GALNT13: variants seen among roughly 807,000 people sequenced by gnomAD.
The protein encoded by GALNT13 is UDP-GalNAc:polypeptide N-acetylgalactosaminyltransferase 13.
Under a neutral mutation model 64.2 loss-of-function variants are expected in GALNT13, and 28 were observed. The ratio of observed to expected loss-of-function variants is 0.44; its 90% CI spans 0.32 to 0.60. The LOEUF is 0.60. Among genes scored for constraint, GALNT13 ranks in the 20% least tolerant of loss-of-function variants. The probability of loss-of-function intolerance (pLI) is 0.05; values close to 1 mark genes in which losing one functional copy is unlikely to be tolerated. For synonymous variants in GALNT13, 214 were observed against 224.6 expected, an observed-to-expected ratio of 0.95 and a Z score of 0.42; for missense variants, 577 against 669.8, an observed-to-expected ratio of 0.86 and a Z score of 1.53.
Position 154,140,385 on chromosome 2 carries a change from T to C in GALNT13, c.191T>C (p.Val64Ala). ...GGGCCAGGAGAAATGGGAAAAGCTG[T>C]GTTGATTCCTAAAGATGACCAGGAG... The part of the protein sequence containing the change: ...QEGPGEMGKA[V>A]LIPKDDQEKM... The change falls in exon 4 of 13, where the codon GTG becomes GCG. Residue 64 changes from valine to alanine, a missense_variant. Coordinates refer to ENST00000392825, the MANE Select transcript of GALNT13 (RefSeq NM_052917.4). The C allele has an allele frequency of 6.2e-7, 1 of 1,613,234 alleles. No individual in the cohort carries two copies. The highest frequency in any genetic ancestry group is 8.5e-7 in the Non-Finnish European group (1 of 1,179,366).
At chr2:154,012,384 G>A (rs1400994674) in intron 3 of GALNT13, among the ~76,000 whole-genome samples, 1 of 152,142 alleles carries the variant, frequency 6.6e-6, no homozygotes, top group Non-Finnish European at 1.5e-5. Context: ...TAAGAATGCT[G>A]AATATGAGTC....
chr2:153,446,001 C>T, the GALNT13 span, among the ~76,000 whole-genome samples: 1 of 151,956 alleles, frequency 6.6e-6, no homozygotes, highest in Non-Finnish European at 1.5e-5. Context: ...ATATTTATTA[C>T]TTTCAAAAAA....
chr2:154,379,708 G>A (rs973827207), intron 9 of GALNT13, among the ~76,000 whole-genome samples: 5 of 152,012 alleles, frequency 3.3e-5, no homozygotes, highest in African/African-American at 1.2e-4. Context: ...ACACTATGTA[G>A]TAACTGTACA....
At chr2:153,134,094 C>A in the GALNT13 span, among the ~76,000 whole-genome samples, 3 of 152,242 alleles carry the variant, frequency 2.0e-5, no homozygotes, top group East Asian at 5.8e-4. Flanking sequence ...GGGCAGAGCA[C>A]CCCTTCCGTT....
At chr2:154,133,234 C>A (rs1393971489) in intron 3 of GALNT13, among the ~76,000 whole-genome samples, 2 of 151,956 alleles carry the variant, frequency 1.3e-5, no homozygotes, top group Non-Finnish European at 2.9e-5. Context: ...TGTTGAGACT[C>A]CTTTGTAGTA....
At chr2:154,122,766 A>C (rs1178994246) in intron 3 of GALNT13, among the ~76,000 whole-genome samples, 1 of 151,854 alleles carries the variant, frequency 6.6e-6, no homozygotes. Context: ...CTATTTCTTT[A>C]TTGTCCTTTT....
At chr2:153,646,797 C>T in the GALNT13 span, among the ~76,000 whole-genome samples, 4,820 of 152,200 alleles carry the variant, frequency 0.032, 112 homozygotes, top group Non-Finnish European at 0.047. Context: ...ATGAACTCCT[C>T]ATTTTTTATG....
the GALNT13 span, among the ~76,000 whole-genome samples, chr2:153,343,218 A>G: frequency 6.6e-6 from 1 of 152,180 alleles, no homozygotes; most frequent in Non-Finnish European, 1.5e-5. Context: ...AGGCATCCAA[A>G]TAAGACCCAT....
intron 9 of GALNT13, 62 bp from the exon 10 acceptor site, chr2:154,395,929 A>C: frequency 7.0e-7 from 1 of 1,428,644 alleles, no homozygotes; most frequent in Non-Finnish European, 9.4e-7. Context: ...AAGTAAATGT[A>C]GTAAAACAGT....
intron 9 of GALNT13, among the ~76,000 whole-genome samples, chr2:154,333,695 A>G (rs1695288058): frequency 6.6e-6 from 1 of 152,098 alleles, no homozygotes; most frequent in Non-Finnish European, 1.5e-5. Flanking sequence ...TCAAAATATC[A>G]GTTGGGCAAT....
intron 1 of GALNT13, among the ~76,000 whole-genome samples, 175 bp downstream of exon 1, chr2:153,872,478 G>A (rs1259764374): frequency 2.6e-5 from 4 of 152,036 alleles, no homozygotes; most frequent in Admixed American, 6.5e-5. Context: ...GGGCGGACCT[G>A]GCGACGCGGC....
At chr2:154,433,266 G>A (rs1426601257) in intron 11 of GALNT13, among the ~76,000 whole-genome samples, 1 of 152,102 alleles carries the variant, frequency 6.6e-6, no homozygotes, top group Non-Finnish European at 1.5e-5. Flanking sequence ...AGGTTAGCCT[G>A]CCTCCCAGAG....
rs987496761 is a variant in GALNT13 at position 154,248,316 on chromosome 2, A to G, written c.857+2334A>G. On this transcript the variant is annotated intron_variant, in intron 7 of 12. Transcript: ENST00000392825. ...GGGCTTTGGTATTTTCATTTTCATA[A>G]TAAATGGAGTTTGTGAAATACTTGT... is the stretch of plus-strand genomic sequence containing the variant. Among the ~76,000 whole-genome samples, 7 of 84,642 alleles carry G rather than the reference A, an allele frequency of 8.3e-5. No homozygotes were observed. In the Admixed American group the frequency reaches 9.8e-4, roughly 12 times the overall value. 55.5% of individuals were successfully genotyped at this position (84,642 alleles called of 152,430 possible).
At chr2:153,427,651 ACT>A in the GALNT13 span, among the ~76,000 whole-genome samples, 2 of 152,042 alleles carry the variant, frequency 1.3e-5, no homozygotes, top group African/African-American at 2.4e-5. Context: ...TTTTTAAAAG[ACT>A]CTATTTGACA....
At chr2:153,611,921 T>G in the GALNT13 span, among the ~76,000 whole-genome samples, 6 of 151,778 alleles carry the variant, frequency 4.0e-5, no homozygotes, top group African/African-American at 1.5e-4. Flanking sequence ...GTGTTCTCAT[T>G]GTTCAACTCC....
chr2:154,232,560 G>A (rs547210349), intron 4 of GALNT13, among the ~76,000 whole-genome samples: 2 of 152,240 alleles, frequency 1.3e-5, no homozygotes, highest in Non-Finnish European at 2.9e-5. Context: ...GCTTAGTTAA[G>A]ATGGTGATAT....
chr2:153,379,886 T>A, the GALNT13 span, among the ~76,000 whole-genome samples: 5 of 152,138 alleles, frequency 3.3e-5, no homozygotes, highest in African/African-American at 4.8e-5. Flanking sequence ...ATGGGATAGA[T>A]ATATCCATAA....
intron 3 of GALNT13, among the ~76,000 whole-genome samples, chr2:154,021,717 G>T (rs550724152): frequency 6.6e-6 from 1 of 151,660 alleles, no homozygotes; most frequent in Non-Finnish European, 1.5e-5. Flanking sequence ...TGATTGCCCT[G>T]GCCAGAACTT....
chr2:153,195,068 C>A, the GALNT13 span, among the ~76,000 whole-genome samples: 1 of 152,120 alleles, frequency 6.6e-6, no homozygotes, highest in African/African-American at 2.4e-5. Flanking sequence ...AGGCAGATTT[C>A]TTGGCTGTCA....
Sources: allele counts gnomAD v4.1 joint callset (sites outside exome capture counted in the v4.1 genomes callset), GRCh38; gene constraint gnomAD v4.1.1; transcripts MANE v1.5; gene names NCBI Gene and HGNC (gene_info 2026-07-23, HGNC 2026-07-21).